CDCA7: variants seen among roughly 807,000 people sequenced by gnomAD.
CDCA7 encodes cell division cycle-associated protein 7.
A neutral mutation model predicts 54.0 loss-of-function variants in CDCA7; 28 were observed. That is an observed-to-expected ratio of 0.52 (90% CI 0.38 to 0.71). The LOEUF is 0.71. Among genes scored for constraint, CDCA7 ranks in the 30% least tolerant of loss-of-function variants. The probability of loss-of-function intolerance (pLI) is 0.00; values close to 1 mark genes in which losing one functional copy is unlikely to be tolerated. For missense variants in CDCA7, 484 were observed against 586.0 expected, an observed-to-expected ratio of 0.83 and a Z score of 1.80; for synonymous variants, 180 against 208.2, an observed-to-expected ratio of 0.86 and a Z score of 1.16.
rs1686764466 is a variant in CDCA7 at position 173,368,590 on chromosome 2, ACT to A, written c.*927_*928del. 2.0e-5 allele frequency: 3 copies of A among 152,252 alleles called. No homozygotes were observed. The East Asian group carries it at 5.8e-4, about 29-fold the overall frequency. 9.4% of individuals were successfully genotyped at this position (152,252 alleles called of 1,614,324 possible). A position where few individuals can be genotyped will look rare whatever the true frequency, so the allele number is the denominator to read the frequency against. On this transcript the variant is annotated 3_prime_UTR_variant, in exon 10 of 10. Coordinates refer to ENST00000306721, the MANE Select transcript of CDCA7 (RefSeq NM_031942.5). Reference sequence around the variant, plus strand: ...CAAGGTTCAAGTTTAGATTTTAAGCACTTTTATAACAATGATAAGTGCCTTTT... The same window carrying A: ...CAAGGTTCAAGTTTAGATTTTAAGCATTTATAACAATGATAAGTGCCTTTT...
chr2:173,359,155 TGC>T (rs1322296341), intron 2 of CDCA7, 98 bp from the exon 3 acceptor site: 2 of 942,002 alleles, frequency 2.1e-6, no homozygotes, highest in Admixed American at 4.8e-5. Flanking sequence ...TCTCTTGTAG[TGC>T]ACTTGTAAAT....
Position 173,354,924 on chromosome 2 carries a change from C to T in CDCA7, c.-40C>T, listed in dbSNP as rs940932794. 1.5e-4 allele frequency: 229 copies of T among 1,479,180 alleles called. No homozygotes were observed. The highest frequency in any genetic ancestry group is 1.9e-4 in the Non-Finnish European group (213 of 1,122,826). 91.6% of individuals were successfully genotyped at this position (1,479,180 alleles called of 1,614,324 possible). A position where few individuals can be genotyped will look rare whatever the true frequency, so the allele number is the denominator to read the frequency against. On this transcript the variant is annotated 5_prime_UTR_variant, in exon 1 of 10. Coordinates refer to ENST00000306721, the MANE Select transcript of CDCA7 (RefSeq NM_031942.5). The stretch of plus-strand genomic sequence containing the variant: ...CCGCTGACCGCGCGGCTGCTCCGCT[C>T]TCCCCGCTCCAAGCGCCGATCTGGG...
chr2:173,367,089 G>T (rs1686738097), intron 8 of CDCA7, 61 bp from the exon 9 acceptor site: 2 of 1,529,120 alleles, frequency 1.3e-6, no homozygotes, highest in African/African-American at 2.8e-5. Context: ...ATGTAATGTA[G>T]ATAAGTTGGT....
At position 173,358,708 on chromosome 2, in the gene CDCA7, G is replaced by A; in HGVS notation, c.22-4G>A. On this transcript the variant is annotated splice_polypyrimidine_tract_variant and splice_region_variant and intron_variant, in intron 1 of 9. Coordinates refer to ENST00000306721, the MANE Select transcript of CDCA7 (RefSeq NM_031942.5). ...CTTAATAGGATTGCTATTTCCATTT[G>A]CAGCAGAAAGATCTCAGAGTAAAGA... 6 of 1,611,770 alleles carry A rather than the reference G, an allele frequency of 3.7e-6. No homozygotes were observed. The highest frequency in any genetic ancestry group is 5.1e-6 in the Non-Finnish European group (6 of 1,179,154).
rs1437714555 is a variant in CDCA7, at chr2:173,366,432, G to A, written c.1185G>A (p.Pro395=). ...GEEVRDALLD[P]NWHCPPCRGI... ...AGGTCAGGGATGCTCTGCTGGATCCGGTAGGTGCCTGCCAGGGGTTGGTCC... is the reference window on the plus strand; with the variant it reads ...AGGTCAGGGATGCTCTGCTGGATCCAGTAGGTGCCTGCCAGGGGTTGGTCC... Residue 395 remains proline (P), a splice_region_variant and synonymous_variant, in exon 8 of 10, where the codon CCG becomes CCA. Transcript: ENST00000306721. The surrounding 1 kb of genome is among the most constrained non-coding windows in gnomAD (Gnocchi z 4.5). The A allele has an allele frequency of 2.5e-6, 4 of 1,613,690 alleles. No homozygotes were observed. The highest frequency in any genetic ancestry group is 3.4e-6 in the Non-Finnish European group (4 of 1,179,874).
chr2:173,367,022 T>C (rs1372658967), intron 8 of CDCA7, 128 bp from the exon 9 acceptor site: 7 of 1,317,984 alleles, frequency 5.3e-6, no homozygotes, highest in Non-Finnish European at 7.3e-6. Context: ...TAGGAAACAT[T>C]AGGCATGACT....
In CDCA7 at chr2:173,368,968, T is replaced by G. The variant is rs1686772616; in HGVS notation, c.*1304T>G. On this transcript the variant is annotated 3_prime_UTR_variant, in exon 10 of 10. Coordinates refer to ENST00000306721, the MANE Select transcript of CDCA7 (RefSeq NM_031942.5). ...TTCTAATTTTTTCCTCATATTTAAA[T>G]AAAAGGCCATTTCCACCTTTTCTAA... is the stretch of plus-strand genomic sequence containing the variant. The G allele has an allele frequency of 6.6e-6, 1 of 152,210 alleles. No homozygotes were observed. Among genetic ancestry groups the G allele is most frequent in the African/African-American group, 2.4e-5 (1 of 41,462 alleles). The allele number at this position is 152,210 out of a possible 1,614,324, so 9.4% of individuals were successfully genotyped here.
intron 6 of CDCA7, 41 bp downstream of exon 6, chr2:173,365,030 C>T (rs770680049): frequency 2.2e-5 from 34 of 1,521,438 alleles, no homozygotes; most frequent in Non-Finnish European, 2.5e-5. Flanking sequence ...TGATTCTCAT[C>T]TTCGGTAGGC....
rs1029449817 is a variant in CDCA7 at position 173,359,493 on chromosome 2, T to C, written c.384+2T>C. ...GAGAGTGAGATACAAGATGGAATGG[T>C]GAGTTCGAGAATTTCACCAGTTTCA... is the stretch of plus-strand genomic sequence containing the variant. On this transcript the variant is annotated splice_donor_variant, in intron 3 of 9. Coordinates refer to ENST00000306721, the MANE Select transcript of CDCA7 (RefSeq NM_031942.5). LOFTEE classifies it high-confidence loss of function. 11 of 1,610,482 alleles carry C rather than the reference T, an allele frequency of 6.8e-6. No individual in the cohort carries two copies. Among genetic ancestry groups the C allele is most frequent in the South Asian group, 6.6e-5 (6 of 90,962 alleles).
rs1267714326 is a variant in CDCA7, at chr2:173,364,814, G to A, written c.719G>A (p.Arg240Lys). 2 of 1,608,708 alleles carry A rather than the reference G, an allele frequency of 1.2e-6. No homozygotes were observed. The highest frequency in any genetic ancestry group is 2.2e-5 in the South Asian group (2 of 89,938). ...GSDSQSRRPR[R>K]RTFPGVASRR... is the part of the protein sequence containing the mutation. ...GTTTAGCAATCAAGGAGACCGCGAAGGCGTACATTCCCGGGTGTTGCTTCC... is the reference window on the plus strand; with the variant it reads ...GTTTAGCAATCAAGGAGACCGCGAAAGCGTACATTCCCGGGTGTTGCTTCC... The change falls in exon 6 of 10, where the codon AGG (arginine) becomes AAG (lysine). Residue 240 changes from arginine (R) to lysine (K), a missense_variant. Coordinates refer to ENST00000306721, the MANE Select transcript of CDCA7 (RefSeq NM_031942.5).
At chr2:173,360,859 T>C (rs997557202) in intron 3 of CDCA7, among the ~76,000 whole-genome samples, 4 of 151,530 alleles carry the variant, frequency 2.6e-5, no homozygotes, top group South Asian at 2.1e-4. Context: ...CTCTCTCTCT[T>C]TTTTTTTAAC....
rs974564474 is a variant in CDCA7, at chr2:173,368,219, T to C, written c.*555T>C. 6.5e-6 allele frequency: 1 copy of C among 154,340 alleles called. No individual in the cohort carries two copies. Among genetic ancestry groups the C allele is most frequent in the African/African-American group, 2.4e-5 (1 of 41,488 alleles). The allele number at this position is 154,340 out of a possible 1,614,324, so 9.6% of individuals were successfully genotyped here. A position where few individuals can be genotyped will look rare whatever the true frequency, so the allele number is the denominator to read the frequency against. On this transcript the variant is annotated 3_prime_UTR_variant, in exon 10 of 10. Transcript: ENST00000306721. ...CAGATTGATGTCTCTCAATCCCATGTATTGCGCTTATGTTACAAGTTGTTG... is the reference window on the plus strand; with the variant it reads ...CAGATTGATGTCTCTCAATCCCATGCATTGCGCTTATGTTACAAGTTGTTG...
At chr2:173,355,901 G>T (rs954430084) in intron 1 of CDCA7, among the ~76,000 whole-genome samples, 1 of 152,084 alleles carries the variant, frequency 6.6e-6, no homozygotes, top group Non-Finnish European at 1.5e-5. Context: ...CTGAGTCGCC[G>T]CCCCGGTGGA....
rs1686561639 is a variant in CDCA7 at position 173,358,741 on chromosome 2, A to G, written c.51A>G (p.Leu17=). 1 of 1,613,978 alleles carries G rather than the reference A, an allele frequency of 6.2e-7. No homozygotes were observed. The change falls in exon 2 of 10, where the codon TTA becomes TTG. Residue 17 remains leucine (L), a synonymous_variant. Coordinates refer to ENST00000306721, the MANE Select transcript of CDCA7 (RefSeq NM_031942.5). ...AAGATCTCAGAGTAAAGAAGAACTT[A>G]AAGAAATTCAGATATGTGAAGTTGA... ...PQKDLRVKKN[L]KKFRYVKLIS...
At position 173,366,235 on chromosome 2, in the gene CDCA7, GA is replaced by G; in HGVS notation, c.1036-43del. 1.3e-6 allele frequency: 2 copies of G among 1,556,464 alleles called. No homozygotes were observed. Among genetic ancestry groups the G allele is most frequent in the Non-Finnish European group, 1.7e-6 (2 of 1,156,086 alleles). On this transcript the variant is annotated intron_variant, in intron 7 of 9. Coordinates refer to ENST00000306721, the MANE Select transcript of CDCA7 (RefSeq NM_031942.5). The surrounding 1 kb of genome is among the most constrained non-coding windows in gnomAD (Gnocchi z 4.5). The stretch of plus-strand genomic sequence containing the variant: ...CTGTAAATATGCCATTTCCTCTGTT[GA>G]AAAACAGTGGTTTTTTTTGTTTTTT...
chr2:173,363,593 G>A, intron 4 of CDCA7, 131 bp downstream of exon 4: 2 of 976,732 alleles, frequency 2.0e-6, no homozygotes, highest in East Asian at 2.5e-5. Context: ...TACCTGTGAA[G>A]TCTTCAATGT....
Position 173,368,018 on chromosome 2 carries a change from G to C in CDCA7, c.*354G>C, listed in dbSNP as rs890740290. On this transcript the variant is annotated 3_prime_UTR_variant, in exon 10 of 10. Transcript: ENST00000306721. ...TTGAAATAGCCCTCATAAAACCTAA[G>C]CACTTGGAAACACAATAATAGTATT... 1.0e-5 allele frequency: 3 copies of C among 293,226 alleles called. No individual in the cohort carries two copies. The highest frequency in any genetic ancestry group is 4.7e-5 in the Admixed American group (1 of 21,318). 18.2% of individuals were successfully genotyped at this position (293,226 alleles called of 1,614,324 possible). A position where few individuals can be genotyped will look rare whatever the true frequency, so the allele number is the denominator to read the frequency against.
At chr2:173,363,643 T>A (rs903002593) in intron 4 of CDCA7, among the ~76,000 whole-genome samples, 175 bp from the exon 5 acceptor site, 1 of 152,230 alleles carries the variant, frequency 6.6e-6, no homozygotes, top group Non-Finnish European at 1.5e-5. Context: ...CTACTTTTTT[T>A]AAATCTGTTA....
chr2:173,359,640 C>T, intron 3 of CDCA7, 149 bp downstream of exon 3: 1 of 652,084 alleles, frequency 1.5e-6, no homozygotes, highest in South Asian at 2.0e-5. Flanking sequence ...TTCTTCATGT[C>T]TTAAAGCAGT....
Sources: gnomAD v4.1 joint callset for allele counts (sites outside exome capture counted in the v4.1 genomes callset) on GRCh38, gnomAD v4.1.1 for gene constraint, Gnocchi (gnomAD v3.1) non-coding constraint, MANE v1.5 for transcripts, NCBI Gene and HGNC (gene_info 2026-07-23, HGNC 2026-07-21) for gene names.